The following GUCY2D variants were observed in gnomAD, a reference collection of about 807,000 sequenced individuals.
The protein encoded by GUCY2D is retinal guanylyl cyclase 1.
In GUCY2D, 70 loss-of-function variants were observed where a neutral mutation model predicts 101.3. The ratio of observed to expected loss-of-function variants is 0.69; its 90% confidence interval spans 0.57 to 0.84. GUCY2D has a LOEUF of 0.84. GUCY2D is among the 40% of genes least tolerant of loss of function. The pLI, the probability that GUCY2D is intolerant of heterozygous loss-of-function variation, is 0.00. For synonymous variants in GUCY2D, 688 were observed against 670.7 expected (o/e 1.03, Z -0.40); for missense variants, 1,460 against 1,542.5 (o/e 0.95, Z 0.90).
In GUCY2D at chr17:8,011,688, G is replaced by T. The variant is rs1174988608; in HGVS notation, c.1750-456G>T. 2.0e-5 allele frequency among the ~76,000 whole-genome samples: 3 copies of T among 152,148 alleles called. No individual in the cohort carries two copies. The East Asian group carries it at 5.8e-4, about 29-fold the overall frequency. ...AAAAAAAATTTTAAATGTTATCTAG[G>T]CATGGTGGCACAAGCCTGTAGTCCC... On this transcript the variant is annotated intron_variant, in intron 8 of 19. Coordinates refer to ENST00000254854, the MANE Select transcript of GUCY2D (RefSeq NM_000180.4). This position sits in a 1 kb window ranked among gnomAD's most constrained non-coding sequence, Gnocchi z 4.3.
Position 8,012,457 on chromosome 17 carries a change from G to A in GUCY2D, c.1964G>A (p.Arg655Lys), listed in dbSNP as rs750399947. ...SLLLDLIKGI[R>K]YLHHRGVAHG... is the part of the protein sequence containing the mutation. ...TACCCTACCCATTCCAAGGGAATAA[G>A]GTATCTGCACCATCGAGGCGTGGCT... is the stretch of plus-strand genomic sequence containing the variant. The change falls in exon 10 of 20, where the codon AGG becomes AAG. Residue 655 changes from arginine to lysine, a missense_variant. By Grantham distance (26) the Arg-to-Lys change is conservative (BLOSUM62 2). Transcript: ENST00000254854. 1 of 1,614,082 alleles carries A rather than the reference G, an allele frequency of 6.2e-7. No individual in the cohort carries two copies. The highest frequency in any genetic ancestry group is 2.2e-5 in the East Asian group (1 of 44,880).
At chr17:8,019,671 T>A (rs1165484155) in intron 19 of GUCY2D, among the ~76,000 whole-genome samples, 2 of 152,224 alleles carry the variant, frequency 1.3e-5, no homozygotes, top group Non-Finnish European at 2.9e-5. Flanking sequence ...CCCTTTCTGC[T>A]CTATTCTCCT....
rs769597716 is a variant in GUCY2D at position 8,013,871 on chromosome 17, T to C, written c.2264-9T>C. 1.2e-6 allele frequency: 2 copies of C among 1,612,950 alleles called. No individual in the cohort carries two copies. Among genetic ancestry groups the C allele is most frequent in the East Asian group, 4.5e-5 (2 of 44,876 alleles). ...GGCACTCCCCCTCACTGTCCCCTCA[T>C]GCCTCCAGAAGTGGTGCAGAGGGTG... is the stretch of plus-strand genomic sequence containing the variant. On this transcript the variant is annotated splice_polypyrimidine_tract_variant and intron_variant, in intron 11 of 19. Transcript: ENST00000254854. The surrounding 1 kb of genome is among the most constrained non-coding windows in gnomAD (Gnocchi z 5.0).
rs759253167 is a variant in GUCY2D at position 8,014,923 on chromosome 17, C to T, written c.2641C>T (p.Leu881=). The T allele has an allele frequency of 2.5e-6, 4 of 1,613,938 alleles. No homozygotes were observed. Among genetic ancestry groups the T allele is most frequent in the Non-Finnish European group, 3.4e-6 (4 of 1,179,932 alleles). ...VEPEYFEQVT[L]YFSDIVGFTT... ...GCCCGAGTACTTTGAGCAAGTGACA[C>T]TGTACTTTAGTGACATTGTGGGCTT... Residue 881 remains leucine, a synonymous_variant, in exon 14 of 20, where the codon CTG becomes TTG. Transcript: ENST00000254854. The surrounding 1 kb of genome is among the most constrained non-coding windows in gnomAD (Gnocchi z 4.0).
In GUCY2D at chr17:8,007,952, A is replaced by T; in HGVS notation, c.1588A>T (p.Ser530Cys). ...SRKVAQGSRS[S>C]LGARSMSDIR... ...CTAGGTGGCCCAGGGGAGTCGATCA[A>T]GTCTGGGTGCCCGCAGCATGTCAGA... is the stretch of plus-strand genomic sequence containing the variant. The change falls in exon 7 of 20, where the codon AGT becomes TGT. Residue 530 changes from serine to cysteine, a missense_variant. This residue lies in a region of GUCY2D where 1,196 missense variants were observed against 1,229.6 expected (regional missense o/e 0.97). Transcript: ENST00000254854. 1 of 1,613,336 alleles carries T rather than the reference A, an allele frequency of 6.2e-7. No homozygotes were observed. Among genetic ancestry groups the T allele is most frequent in the Non-Finnish European group, 8.5e-7 (1 of 1,179,336 alleles).
chr17:8,003,064 G>A lies in GUCY2D; in HGVS notation c.17G>A (p.Arg6His). Residue 6 changes from arginine to histidine, a missense_variant, in exon 2 of 20, where the codon CGC (arginine) becomes CAC (histidine). Arg to His is a conservative substitution (Grantham distance 29). This residue lies in a region of GUCY2D where 1,196 missense variants were observed against 1,229.6 expected (regional missense o/e 0.97). Coordinates refer to ENST00000254854, the MANE Select transcript of GUCY2D (RefSeq NM_000180.4). MTACARRAGGLPDPGL... is the reference protein window; with the variant it reads MTACAHRAGGLPDPGL... ...AAGCCGGCAATGACCGCCTGCGCCC[G>A]CCGAGCGGGTGGGCTTCCGGACCCC... 3.3e-6 allele frequency: 5 copies of A among 1,526,220 alleles called. No homozygotes were observed. Among genetic ancestry groups the A allele is most frequent in the Non-Finnish European group, 4.4e-6 (5 of 1,143,154 alleles). The allele number at this position is 1,526,220 out of a possible 1,614,324, so 94.5% of individuals were successfully genotyped here.
intron 7 of GUCY2D, among the ~76,000 whole-genome samples, chr17:8,009,297 A>G (rs1006531986): frequency 7.2e-5 from 11 of 152,216 alleles, no homozygotes; most frequent in Non-Finnish European, 1.3e-4. Context: ...CCATGGCTTC[A>G]GAATCTCTGT....
At chr17:8,019,062 G>C (rs1182818109) in intron 19 of GUCY2D, among the ~76,000 whole-genome samples, 2 of 152,044 alleles carry the variant, frequency 1.3e-5, no homozygotes, top group African/African-American at 2.4e-5. Flanking sequence ...CAAAACCCGG[G>C]CATGCACACA....
rs138176835 is a variant in GUCY2D at position 8,013,214 on chromosome 17, G to T, written c.2225G>T (p.Arg742Leu). 1.2e-6 allele frequency: 2 copies of T among 1,613,986 alleles called. No homozygotes were observed. The highest frequency in any genetic ancestry group is 1.7e-5 in the Admixed American group (1 of 59,994). Residue 742 changes from arginine to leucine, a missense_variant, in exon 11 of 20, where the codon CGC becomes CTC. By Grantham distance (102) the Arg-to-Leu change is moderately radical. Coordinates refer to ENST00000254854, the MANE Select transcript of GUCY2D (RefSeq NM_000180.4). The surrounding 1 kb of genome is among the most constrained non-coding windows in gnomAD (Gnocchi z 5.0). ...LAIIMQEVVC[R>L]SAPYAMLELT... Reference sequence around the variant, plus strand: ...ATCATCATGCAAGAAGTAGTGTGCCGCAGTGCCCCTTATGCCATGCTGGAG... The same window carrying T: ...ATCATCATGCAAGAAGTAGTGTGCCTCAGTGCCCCTTATGCCATGCTGGAG...
Position 8,009,654 on chromosome 17 carries a change from G to A in GUCY2D, c.1749+68G>A, listed in dbSNP as rs1181618781. 2.9e-6 allele frequency: 3 copies of A among 1,021,144 alleles called. No homozygotes were observed. In the East Asian group the frequency reaches 7.1e-5, roughly 24 times the overall value. 63.3% of individuals were successfully genotyped at this position (1,021,144 alleles called of 1,614,324 possible). On this transcript the variant is annotated intron_variant, in intron 8 of 19. Transcript: ENST00000254854. ...TCTCCCTCCTTGCCTTCTCTTTGCAGCTGGGTACAGAGGTAGGTCTCAGTT... is the reference window on the plus strand; with the variant it reads ...TCTCCCTCCTTGCCTTCTCTTTGCAACTGGGTACAGAGGTAGGTCTCAGTT...
In GUCY2D at chr17:8,013,962, C is replaced by T. The variant is rs61750170; in HGVS notation, c.2346C>T (p.Leu782=). The change falls in exon 12 of 20, where the codon CTC becomes CTT. Residue 782 remains leucine, a synonymous_variant. Transcript: ENST00000254854. The surrounding 1 kb of genome is among the most constrained non-coding windows in gnomAD (Gnocchi z 5.0). ...ACCAGGCACCTGTCGAGTGTATCCT[C>T]CTGATGAAGCAGTGCTGGGCAGAGC... The part of the protein sequence containing the change: ...SMDQAPVECI[L]LMKQCWAEQP... 10 of 1,613,690 alleles carry T rather than the reference C, an allele frequency of 6.2e-6. No individual in the cohort carries two copies. Among genetic ancestry groups the T allele is most frequent in the Non-Finnish European group, 8.5e-6 (10 of 1,179,688 alleles).
chr17:8,010,602 C>A (rs1033029470), intron 8 of GUCY2D, among the ~76,000 whole-genome samples: 3 of 151,638 alleles, frequency 2.0e-5, no homozygotes, highest in African/African-American at 7.3e-5. Context: ...GTCAGGAGAT[C>A]GAGACCATCC....
intron 7 of GUCY2D, among the ~76,000 whole-genome samples, chr17:8,008,992 T>C (rs909335027): frequency 3.9e-5 from 6 of 152,190 alleles, no homozygotes; most frequent in Admixed American, 2.0e-4. Context: ...CAGGAGGTCA[T>C]TGAACCAAGC....
Position 8,012,512 on chromosome 17 carries a change from A to G in GUCY2D, c.2019A>G (p.Ile673Met), listed in dbSNP as rs1416982503. 3 of 1,613,654 alleles carry G rather than the reference A, an allele frequency of 1.9e-6. No homozygotes were observed. The highest frequency in any genetic ancestry group is 2.5e-6 in the Non-Finnish European group (3 of 1,179,726). The change falls in exon 10 of 20, where the codon ATA (isoleucine) becomes ATG (methionine). Residue 673 changes from isoleucine to methionine, a missense_variant. By Grantham distance (10) the Ile-to-Met change is conservative. Coordinates refer to ENST00000254854, the MANE Select transcript of GUCY2D (RefSeq NM_000180.4). ...GGCGGCTGAAGTCACGGAACTGCAT[A>G]GTGGATGGCAGATTCGTACTCAAGA... Reference protein sequence around the residue: ...AHGRLKSRNCIVDGRFVLKIT... With the variant: ...AHGRLKSRNCMVDGRFVLKIT...
rs531378185 is a variant in GUCY2D, at chr17:8,014,171, G to A, written c.2412+143G>A. On this transcript the variant is annotated intron_variant, in intron 12 of 19. Coordinates refer to ENST00000254854, the MANE Select transcript of GUCY2D (RefSeq NM_000180.4). The surrounding 1 kb of genome is among the most constrained non-coding windows in gnomAD (Gnocchi z 4.0). ...CTCCTAAGGAGTAGCCTGAAGACTC[G>A]GAGTTTGGGGGCAGAATTGGAATGG... The A allele has an allele frequency of 2.0e-5, 15 of 762,042 alleles. No homozygotes were observed. Among genetic ancestry groups the A allele is most frequent in the South Asian group, 2.9e-5 (2 of 69,676 alleles). The allele number at this position is 762,042 out of a possible 1,614,324, so 47.2% of individuals were successfully genotyped here.
At position 8,013,364 on chromosome 17, in the gene GUCY2D, C is replaced by T. The variant is rs754964975; in HGVS notation, c.2263+112C>T. ...AGCCCAGTGATGAAACTCAATTATACGGAGGCCCCCTTAAAGCTGGCATCT... is the reference window on the plus strand; with the variant it reads ...AGCCCAGTGATGAAACTCAATTATATGGAGGCCCCCTTAAAGCTGGCATCT... On this transcript the variant is annotated intron_variant, in intron 11 of 19. Coordinates refer to ENST00000254854, the MANE Select transcript of GUCY2D (RefSeq NM_000180.4). This position sits in a 1 kb window ranked among gnomAD's most constrained non-coding sequence, Gnocchi z 5.0. 16 of 1,065,214 alleles carry T rather than the reference C, an allele frequency of 1.5e-5. No individual in the cohort carries two copies. The highest frequency in any genetic ancestry group is 2.6e-5 in the East Asian group (1 of 38,746). 66.0% of individuals were successfully genotyped at this position (1,065,214 alleles called of 1,614,324 possible). A position where few individuals can be genotyped will look rare whatever the true frequency, so the allele number is the denominator to read the frequency against.
At position 8,014,385 on chromosome 17, in the gene GUCY2D, T is replaced by C. The variant is rs1017387202; in HGVS notation, c.2413-216T>C. The C allele has an allele frequency of 9.5e-6, 6 of 633,090 alleles. No homozygotes were observed. Among genetic ancestry groups the C allele is most frequent in the African/African-American group, 9.0e-5 (5 of 55,266 alleles). 39.2% of individuals were successfully genotyped at this position (633,090 alleles called of 1,614,324 possible). A position where few individuals can be genotyped will look rare whatever the true frequency, so the allele number is the denominator to read the frequency against. ...CTGTCAATTACTAGCTGAGATCAACTGACCTCTGGGAACCCTCATTTCCCA... is the reference window on the plus strand; with the variant it reads ...CTGTCAATTACTAGCTGAGATCAACCGACCTCTGGGAACCCTCATTTCCCA... On this transcript the variant is annotated intron_variant, in intron 12 of 19. Transcript: ENST00000254854. This position sits in a 1 kb window ranked among gnomAD's most constrained non-coding sequence, Gnocchi z 4.0.
At chr17:8,017,124 A>G (rs1311671455) in intron 19 of GUCY2D, among the ~76,000 whole-genome samples, 1 of 152,054 alleles carries the variant, frequency 6.6e-6, no homozygotes, top group Non-Finnish European at 1.5e-5. Flanking sequence ...GCCTCAAAGG[A>G]TTTTGGGCCT....
At chr17:8,020,048 C>T (rs562955779) in intron 19 of GUCY2D, 80 bp from the exon 20 acceptor site, 177 of 151,130 alleles carry the variant, frequency 1.2e-3, no homozygotes, top group Non-Finnish European at 1.5e-3. Context: ...TTCAATCCCA[C>T]GGCAGAGACT....
Sources: gnomAD v4.1 joint callset for allele counts (sites outside exome capture counted in the v4.1 genomes callset) on GRCh38, gnomAD v4.1.1 for gene constraint, gnomAD v4.1.1 regional missense constraint, Gnocchi (gnomAD v3.1) non-coding constraint, MANE v1.5 for transcripts, NCBI Gene and HGNC (gene_info 2026-07-23, HGNC 2026-07-21) for gene names.